The following PTPRJ variants were observed in gnomAD, a reference collection of about 807,000 sequenced individuals.
PTPRJ encodes the protein protein tyrosine phosphatase receptor type J, also known as receptor-type tyrosine-protein phosphatase eta.
Under a neutral mutation model 141.3 loss-of-function variants are expected in PTPRJ, and 129 were observed. That is an observed-to-expected ratio of 0.91 (90% confidence interval 0.79 to 1.06). The LOEUF is 1.06. PTPRJ is among the 50% of genes least tolerant of loss of function. The probability of loss-of-function intolerance (pLI) is 0.00; values close to 1 mark genes in which losing one functional copy is unlikely to be tolerated. For synonymous variants in PTPRJ, 610 were observed against 640.5 expected (o/e 0.95, Z 0.72); for missense variants, 1,601 against 1,679.7 (o/e 0.95, Z 0.82).
chr11:48,144,952 G>C, intron 13 of PTPRJ, 48 bp from the exon 14 acceptor site: 1 of 1,613,994 alleles, frequency 6.2e-7, no homozygotes, highest in Non-Finnish European at 8.5e-7. Context: ...ACATGCCTGC[G>C]GTCAGACACG....
chr11:48,092,576 C>T (rs1855899740), intron 1 of PTPRJ, among the ~76,000 whole-genome samples: 1 of 151,876 alleles, frequency 6.6e-6, no homozygotes, highest in South Asian at 2.1e-4. Context: ...ATTATAGGCA[C>T]TCGCTACCAC....
At chr11:48,138,070 C>G (rs903934710) in intron 10 of PTPRJ, among the ~76,000 whole-genome samples, 3 of 152,196 alleles carry the variant, frequency 2.0e-5, no homozygotes, top group Non-Finnish European at 4.4e-5. Flanking sequence ...TTCTGCCCTT[C>G]TCGCTCCTAC....
chr11:47,994,745 G>C (rs1854286718), intron 1 of PTPRJ, among the ~76,000 whole-genome samples: 1 of 152,160 alleles, frequency 6.6e-6, no homozygotes, highest in African/African-American at 2.4e-5. Flanking sequence ...GGAAGCCACA[G>C]GATAAAAAGC....
chr11:48,131,505 C>G (rs1417263456), intron 8 of PTPRJ: 1 of 775,650 alleles, frequency 1.3e-6, no homozygotes, highest in Non-Finnish European at 2.4e-6. Context: ...TAAAATATTT[C>G]TACAGGATGA....
At chr11:48,050,568 A>G (rs974010645) in intron 1 of PTPRJ, among the ~76,000 whole-genome samples, 1 of 152,240 alleles carries the variant, frequency 6.6e-6, no homozygotes, top group African/African-American at 2.4e-5. Context: ...TCAGTGCTCA[A>G]ATGCCTGCTG....
chr11:48,002,289 C>T lies in PTPRJ; in HGVS notation c.96+21281C>T, dbSNP rs372727294. On this transcript the variant is annotated intron_variant, in intron 1 of 24. Transcript: ENST00000418331. The stretch of plus-strand genomic sequence containing the variant: ...AGTAGCTGGGATTACAGGAGGCTGC[C>T]GCCACACCTGGCTAGTTTTTGTGTT... Among the ~76,000 whole-genome samples the T allele has an allele frequency of 1.9e-4, 29 of 151,954 alleles. No homozygotes were observed. In the East Asian group the frequency reaches 3.7e-3, roughly 19 times the overall value.
At chr11:48,122,533 A>C (rs757486454) in intron 4 of PTPRJ, among the ~76,000 whole-genome samples, 1 of 152,224 alleles carries the variant, frequency 6.6e-6, no homozygotes. Context: ...AGCAGAAGAC[A>C]CTGTAATGTG....
intron 1 of PTPRJ, among the ~76,000 whole-genome samples, chr11:48,106,768 T>C (rs1447207181): frequency 6.9e-4 from 96 of 139,186 alleles, no homozygotes; most frequent in South Asian, 2.5e-3. Flanking sequence ...TCTTTCTTTT[T>C]TTTTTTTTTT....
At chr11:48,022,246 C>G (rs567332933) in intron 1 of PTPRJ, among the ~76,000 whole-genome samples, 2 of 152,134 alleles carry the variant, frequency 1.3e-5, no homozygotes, top group South Asian at 4.1e-4. Context: ...AGGCAGATCA[C>G]CTGAGGTCAG....
intron 5 of PTPRJ, among the ~76,000 whole-genome samples, chr11:48,124,268 TGAG>T (rs985659954): frequency 2.6e-5 from 4 of 152,214 alleles, no homozygotes; most frequent in Admixed American, 1.3e-4. Flanking sequence ...GATAACTCCA[TGAG>T]GAGGACAGGC....
At position 48,064,698 on chromosome 11, in the gene PTPRJ, G is replaced by T. The variant is rs534956650; in HGVS notation, c.97-45360G>T. The stretch of plus-strand genomic sequence containing the variant: ...AGTTCACTGCAACCACCGCCTCCTG[G>T]GTTCAAGCAATTCTCCTGCCTCAGC... On this transcript the variant is annotated intron_variant, in intron 1 of 24. Coordinates refer to ENST00000418331, the MANE Select transcript of PTPRJ (RefSeq NM_002843.4). 5.3e-5 allele frequency among the ~76,000 whole-genome samples: 8 copies of T among 152,220 alleles called. No homozygotes were observed. In the South Asian group the frequency reaches 1.5e-3, roughly 28 times the overall value.
chr11:48,053,245 T>A (rs1358082443), intron 1 of PTPRJ, among the ~76,000 whole-genome samples: 3 of 82,518 alleles, frequency 3.6e-5, no homozygotes, highest in African/African-American at 1.8e-4. Flanking sequence ...ATAATATATT[T>A]ATATAATATA....
intron 24 of PTPRJ, among the ~76,000 whole-genome samples, chr11:48,165,150 A>G (rs1274210482): frequency 6.6e-6 from 1 of 152,228 alleles, no homozygotes; most frequent in East Asian, 1.9e-4. Flanking sequence ...TAAACTCATA[A>G]AACTGGTATT....
At chr11:48,003,776 G>A (rs189910576) in intron 1 of PTPRJ, among the ~76,000 whole-genome samples, 126 of 152,256 alleles carry the variant, frequency 8.3e-4, no homozygotes, top group African/African-American at 2.9e-3. Context: ...GATTACAGGC[G>A]TGAGCCACCG....
chr11:48,160,105 G>A, intron 22 of PTPRJ, 56 bp downstream of exon 22: 1 of 1,590,300 alleles, frequency 6.3e-7, no homozygotes, highest in Non-Finnish European at 8.6e-7. Context: ...GTTAATTTGG[G>A]GGTGATATGT....
At chr11:48,041,401 C>G (rs1854270255) in intron 1 of PTPRJ, among the ~76,000 whole-genome samples, 1 of 152,150 alleles carries the variant, frequency 6.6e-6, no homozygotes, top group South Asian at 2.1e-4. Context: ...GTGTGCTATA[C>G]AGTTTATTTA....
chr11:48,038,386 A>C (rs1414078981), intron 1 of PTPRJ, among the ~76,000 whole-genome samples: 1 of 152,062 alleles, frequency 6.6e-6, no homozygotes, highest in Non-Finnish European at 1.5e-5. Context: ...CCCTCCCTTC[A>C]GCATCACTGG....
chr11:47,989,178 T>C (rs1476554889), intron 1 of PTPRJ, among the ~76,000 whole-genome samples: 2 of 150,196 alleles, frequency 1.3e-5, no homozygotes, highest in East Asian at 2.0e-4. Context: ...CCACCGCGCC[T>C]GGCCGTATCT....
intron 1 of PTPRJ, among the ~76,000 whole-genome samples, chr11:48,065,813 A>G (rs1403737446): frequency 6.6e-6 from 1 of 152,030 alleles, no homozygotes; most frequent in African/African-American, 2.4e-5. Flanking sequence ...GTGGAATGAC[A>G]CTCCTGAGGC....
Sources: gnomAD v4.1 joint callset for allele counts (sites outside exome capture counted in the v4.1 genomes callset) on GRCh38, gnomAD v4.1.1 for gene constraint, MANE v1.5 for transcripts, NCBI Gene and HGNC (gene_info 2026-07-23, HGNC 2026-07-21) for gene names.